Variants in ITGA5 observed in about 807,000 individuals in gnomAD.
ITGA5 encodes integrin alpha-5.
In ITGA5, 55 loss-of-function variants were observed where a neutral mutation model predicts 146.3. The ratio of observed to expected loss-of-function variants is 0.38; its 90% confidence interval spans 0.30 to 0.47. ITGA5 has a LOEUF of 0.47. ITGA5 is among the 20% of genes least tolerant of loss of function. The probability of loss-of-function intolerance (pLI) is 0.99; values close to 1 mark genes in which losing one functional copy is unlikely to be tolerated. For missense variants in ITGA5, 1,131 were observed against 1,329.0 expected, an observed-to-expected ratio of 0.85 and a Z score of 2.32; for synonymous variants, 500 against 531.8, an observed-to-expected ratio of 0.94 and a Z score of 0.82.
intron 27 of ITGA5, 104 bp from the exon 28 acceptor site, chr12:54,398,802 T>A: frequency 1.8e-6 from 1 of 564,754 alleles, no homozygotes; most frequent in East Asian, 3.9e-5. Flanking sequence ...TATTTTGGGC[T>A]CATTCTTCCT....
Position 54,409,033 on chromosome 12 carries a change from G to A in ITGA5, c.584-79C>T. ...AAAGAAGAGAGGGCATAGGGAAGGA[G>A]GTGGGAGAGAGAACCAGAGAAAGGG... is the stretch of plus-strand genomic sequence containing the variant. On this transcript the variant is annotated intron_variant, in intron 4 of 29. Transcript: ENST00000293379. The surrounding 1 kb of genome is among the most constrained non-coding windows in gnomAD (Gnocchi z 4.7). 6.7e-7 allele frequency: 1 copy of A among 1,485,946 alleles called. No homozygotes were observed. The highest frequency in any genetic ancestry group is 9.3e-7 in the Non-Finnish European group (1 of 1,069,714). 92.0% of individuals were successfully genotyped at this position (1,485,946 alleles called of 1,614,324 possible).
Position 54,403,322 on chromosome 12 carries a change from G to A in ITGA5, c.1779C>T (p.Asn593=), listed in dbSNP as rs141766076. ...AGAGTTTGTCTCGAAATTCTGACTC[G>A]TTCTGGGGCCAGAGGAGAGAGTTCA... The part of the protein sequence containing the change: ...DCREMKIYLR[N]ESEFRDKLSP... Residue 593 remains asparagine, a splice_region_variant and synonymous_variant, in exon 18 of 30, where the codon AAC becomes AAT. Coordinates refer to ENST00000293379, the MANE Select transcript of ITGA5 (RefSeq NM_002205.5). The surrounding 1 kb of genome is among the most constrained non-coding windows in gnomAD (Gnocchi z 4.9). The A allele has an allele frequency of 2.4e-4, 359 of 1,524,756 alleles. 2 individuals are homozygous for A. Among genetic ancestry groups the A allele is most frequent in the Middle Eastern group, 5.3e-4 (3 of 5,656 alleles). The allele number at this position is 1,524,756 out of a possible 1,614,324, so 94.5% of individuals were successfully genotyped here. A position where few individuals can be genotyped will look rare whatever the true frequency, so the allele number is the denominator to read the frequency against.
Position 54,404,256 on chromosome 12 carries a change from G to A in ITGA5, c.1464-10C>T. The A allele has an allele frequency of 6.3e-7, 1 of 1,597,166 alleles. No individual in the cohort carries two copies. On this transcript the variant is annotated splice_polypyrimidine_tract_variant and intron_variant, in intron 14 of 29. Transcript: ENST00000293379. ...CACGATGGGGCGGCCCCTGCCAAGA[G>A]TGAATGTGGGGTCAATAGAATTAGG...
At chr12:54,413,137 T>G (rs1370003878) in intron 1 of ITGA5, 1 of 152,338 alleles carries the variant, frequency 6.6e-6, no homozygotes, top group Non-Finnish European at 1.5e-5. Context: ...TCCCTGATAT[T>G]TGAATACCTT....
rs765185713 is a variant in ITGA5 at position 54,419,145 on chromosome 12, G to A, written c.54C>T (p.Gly18=). 1.3e-6 allele frequency: 2 copies of A among 1,584,908 alleles called. No homozygotes were observed. The highest frequency in any genetic ancestry group is 8.6e-7 in the Non-Finnish European group (1 of 1,168,804). ...SPLHAVQLRW[G]PRRRPPLLPL... Reference sequence around the variant, plus strand: ...GCAGCAGCGGGGGTCGGCGCCGGGGGCCCCAGCGCAGCTGCACGGCGTGGA... The same window carrying A: ...GCAGCAGCGGGGGTCGGCGCCGGGGACCCCAGCGCAGCTGCACGGCGTGGA... The change falls in exon 1 of 30, where the codon GGC becomes GGT. Residue 18 remains glycine, a synonymous_variant. Transcript: ENST00000293379.
intron 11 of ITGA5, 116 bp downstream of exon 11, chr12:54,405,548 G>A: frequency 9.2e-7 from 1 of 1,087,680 alleles, no homozygotes; most frequent in African/African-American, 1.6e-5. Flanking sequence ...GCAGGTATGA[G>A]CGAGAGTCTA....
Position 54,409,435 on chromosome 12 carries a change from C to CCA in ITGA5, c.462+48_462+49dup, listed in dbSNP as rs774406071. ...TCCCTCCAGGCCCGGCCTTACCCAA[C>CCA]CACTGCCCATCCCCTGGCCACCACA... On this transcript the variant is annotated intron_variant, in intron 3 of 29. Transcript: ENST00000293379. The surrounding 1 kb of genome is among the most constrained non-coding windows in gnomAD (Gnocchi z 4.7). 3.1e-6 allele frequency: 5 copies of CCA among 1,610,678 alleles called. No homozygotes were observed. Among genetic ancestry groups the CCA allele is most frequent in the East Asian group, 2.2e-5 (1 of 44,864 alleles).
Position 54,409,836 on chromosome 12 carries a change from A to G in ITGA5, c.350-239T>C, listed in dbSNP as rs970954079. 2 of 402,960 alleles carry G rather than the reference A, an allele frequency of 5.0e-6. No homozygotes were observed. Among genetic ancestry groups the G allele is most frequent in the Non-Finnish European group, 9.0e-6 (2 of 222,758 alleles). 25.0% of individuals were successfully genotyped at this position (402,960 alleles called of 1,614,324 possible). Reference sequence around the variant, plus strand: ...CACACACACACATACATACACACGCACGCACACGCACACAGAACCTGGGCT... The same window carrying G: ...CACACACACACATACATACACACGCGCGCACACGCACACAGAACCTGGGCT... On this transcript the variant is annotated intron_variant, in intron 2 of 29. Coordinates refer to ENST00000293379, the MANE Select transcript of ITGA5 (RefSeq NM_002205.5). The surrounding 1 kb of genome is among the most constrained non-coding windows in gnomAD (Gnocchi z 4.7).
In ITGA5 at chr12:54,402,047, C is replaced by A. The variant is rs766902219; in HGVS notation, c.2180G>T (p.Arg727Leu). 2.5e-6 allele frequency: 4 copies of A among 1,614,152 alleles called. No individual in the cohort carries two copies. Among genetic ancestry groups the A allele is most frequent in the Non-Finnish European group, 3.4e-6 (4 of 1,180,030 alleles). The change falls in exon 21 of 30, where the codon CGC becomes CTC. Residue 727 changes from arginine (R) to leucine (L), a missense_variant. This residue lies in a region of ITGA5 where 889 missense variants were observed against 1,021.5 expected (regional missense o/e 0.87). Coordinates refer to ENST00000293379, the MANE Select transcript of ITGA5 (RefSeq NM_002205.5). ...SCDYFAVNQS[R>L]LLVCDLGNPM... ...GTTGCCCAGGTCACACACCAGCAGGCGGCTCTGGTTCACGGCAAAGTAGTC... is the reference window on the plus strand; with the variant it reads ...GTTGCCCAGGTCACACACCAGCAGGAGGCTCTGGTTCACGGCAAAGTAGTC...
At chr12:54,418,846 G>T (rs1302496291) in intron 1 of ITGA5, 135 bp downstream of exon 1, 4 of 1,063,586 alleles carry the variant, frequency 3.8e-6, no homozygotes, top group South Asian at 3.3e-5. Context: ...TCTAGCCAGG[G>T]CCCCCAACTG....
At chr12:54,414,628 C>T (rs1319893334) in intron 1 of ITGA5, among the ~76,000 whole-genome samples, 1 of 150,330 alleles carries the variant, frequency 6.7e-6, no homozygotes, top group Non-Finnish European at 1.5e-5. Flanking sequence ...GGGCAGATCA[C>T]GAGGTCAGGA....
chr12:54,400,904 G>C lies in ITGA5; in HGVS notation c.2585C>G (p.Thr862Ser), dbSNP rs775173115. 1.2e-6 allele frequency: 2 copies of C among 1,614,098 alleles called. No homozygotes were observed. Among genetic ancestry groups the C allele is most frequent in the Admixed American group, 3.3e-5 (2 of 60,002 alleles). ...GGTGCAGTTGAGTCCCGTAACTCTG[G>C]TCACATATAGGAGCTGCTGACCTTC... ...ALEGQQLLYV[T>S]RVTGLNCTTN... The change falls in exon 25 of 30, where the codon ACC (threonine) becomes AGC (serine). Residue 862 changes from threonine (T) to serine (S), a missense_variant. Thr to Ser is a moderately conservative substitution (Grantham distance 58). Around this residue, in one of 3 missense-constraint regions of ITGA5, gnomAD observed 889 missense variants for 1,021.5 expected, o/e 0.87. Transcript: ENST00000293379.
At position 54,404,243 on chromosome 12, in the gene ITGA5, G is replaced by A; in HGVS notation, c.1467C>T (p.Gly489=). 6.3e-7 allele frequency: 1 copy of A among 1,599,264 alleles called. No individual in the cohort carries two copies. The highest frequency in any genetic ancestry group is 1.1e-5 in the South Asian group (1 of 88,276). The change falls in exon 15 of 30, where the codon GGC becomes GGT. Residue 489 remains glycine (G), a synonymous_variant. Coordinates refer to ENST00000293379, the MANE Select transcript of ITGA5 (RefSeq NM_002205.5). ...AGGCACTAGCGGACACGATGGGGCGGCCCCTGCCAAGAGTGAATGTGGGGT... is the reference window on the plus strand; with the variant it reads ...AGGCACTAGCGGACACGATGGGGCGACCCCTGCCAAGAGTGAATGTGGGGT... ...FGVDKAVVYR[G]RPIVSASASL... is the part of the protein sequence containing the mutation.
At chr12:54,415,567 T>C (rs1209224152) in intron 1 of ITGA5, among the ~76,000 whole-genome samples, 1 of 152,198 alleles carries the variant, frequency 6.6e-6, no homozygotes, top group East Asian at 1.9e-4. Flanking sequence ...GGAATCCTGA[T>C]TTCTACGACA....
rs1429033438 is a variant in ITGA5, at chr12:54,401,018, A to T, written c.2494-23T>A. The T allele has an allele frequency of 6.2e-7, 1 of 1,610,560 alleles. No homozygotes were observed. The highest frequency in any genetic ancestry group is 1.1e-5 in the South Asian group (1 of 90,482). On this transcript the variant is annotated intron_variant, in intron 24 of 29. Coordinates refer to ENST00000293379, the MANE Select transcript of ITGA5 (RefSeq NM_002205.5). The surrounding 1 kb of genome is among the most constrained non-coding windows in gnomAD (Gnocchi z 5.0). Reference sequence around the variant, plus strand: ...GAGCTGAGGAGGGAAGAGCACAATCATCATGAGAAGGAAGGGAATGCTTCT... The same window carrying T: ...GAGCTGAGGAGGGAAGAGCACAATCTTCATGAGAAGGAAGGGAATGCTTCT...
chr12:54,411,778 T>C, intron 2 of ITGA5, 56 bp downstream of exon 2: 2 of 1,017,390 alleles, frequency 2.0e-6, no homozygotes, highest in East Asian at 3.9e-5. Context: ...CACCCAGGCC[T>C]TGCCCCCAGG....
intron 25 of ITGA5, 53 bp downstream of exon 25, chr12:54,400,793 C>A (rs974647257): frequency 5.8e-5 from 92 of 1,585,672 alleles, no homozygotes; most frequent in Non-Finnish European, 6.9e-5. Context: ...AACCCCTCAG[C>A]CTTGGTCCTC....
In ITGA5 at chr12:54,404,200, C is replaced by T. The variant is rs181997225; in HGVS notation, c.1510G>A (p.Ala504Thr). Residue 504 changes from alanine to threonine, a missense_variant, in exon 15 of 30, where the codon GCC (alanine) becomes ACC (threonine). Transcript: ENST00000293379. ...CTCCGCTCCTCTGGGTTGAACATGG[C>T]GGGGAAGATGGTGAGGGAGGCACTA... ...SASASLTIFP[A>T]MFNPEERSCS... 9.2e-5 allele frequency: 148 copies of T among 1,602,058 alleles called. 1 individual carries two copies. In the Admixed American group the frequency reaches 2.2e-3, roughly 24 times the overall value.
In ITGA5 at chr12:54,404,217, G is replaced by C; in HGVS notation, c.1493C>G (p.Ser498Cys). 2 of 1,602,426 alleles carry C rather than the reference G, an allele frequency of 1.2e-6. No homozygotes were observed. Among genetic ancestry groups the C allele is most frequent in the Non-Finnish European group, 1.7e-6 (2 of 1,173,966 alleles). ...GAACATGGCGGGGAAGATGGTGAGG[G>C]AGGCACTAGCGGACACGATGGGGCG... ...RGRPIVSASASLTIFPAMFNP... is the reference protein window; with the variant it reads ...RGRPIVSASACLTIFPAMFNP... The change falls in exon 15 of 30, where the codon TCC (serine) becomes TGC (cysteine). Residue 498 changes from serine to cysteine, a missense_variant. By Grantham distance (112) the Ser-to-Cys change is moderately radical. Transcript: ENST00000293379.
Sources: gnomAD v4.1 joint callset for allele counts (sites outside exome capture counted in the v4.1 genomes callset) on GRCh38, gnomAD v4.1.1 for gene constraint, gnomAD v4.1.1 regional missense constraint, Gnocchi (gnomAD v3.1) non-coding constraint, MANE v1.5 for transcripts, NCBI Gene and HGNC (gene_info 2026-07-23, HGNC 2026-07-21) for gene names.